The following TYW1 variants were observed in gnomAD, a reference collection of about 807,000 sequenced individuals.
The protein encoded by TYW1 is tRNA-yW synthesizing protein 1 homolog, also known as S-adenosyl-L-methionine-dependent tRNA 4-demethylwyosine synthase TYW1.
In TYW1, 46 loss-of-function variants were observed where a neutral mutation model predicts 96.2. That is an observed-to-expected ratio of 0.48 (90% confidence interval 0.38 to 0.61). The LOEUF (loss-of-function observed/expected upper bound fraction) is 0.61. Ranked by LOEUF, TYW1 falls within the 20% of genes least tolerant of loss-of-function variation. The pLI is 0.00. For missense variants in TYW1, 684 were observed against 909.6 expected (o/e 0.75, Z 3.19); for synonymous variants, 274 against 323.0 (o/e 0.85, Z 1.63).
At chr7:67,054,611 C>T (rs556115361) in intron 8 of TYW1, among the ~76,000 whole-genome samples, 106 of 152,328 alleles carry the variant, frequency 7.0e-4, no homozygotes, top group African/African-American at 2.4e-3. Flanking sequence ...ATTGACATTG[C>T]TCCAATAATC....
intron 11 of TYW1, among the ~76,000 whole-genome samples, chr7:67,084,216 T>C (rs1961734): frequency 6.6e-6 from 1 of 151,924 alleles, no homozygotes; most frequent in Non-Finnish European, 1.5e-5. Flanking sequence ...TCTTAAATAA[T>C]GTTAGTTAGT....
intron 7 of TYW1, among the ~76,000 whole-genome samples, chr7:67,037,705 T>C (rs1425303081): frequency 6.6e-6 from 1 of 152,098 alleles, no homozygotes; most frequent in African/African-American, 2.4e-5. Flanking sequence ...GCGGCGACTC[T>C]GCCTGTAATC....
At chr7:67,012,493 C>T (rs1793848198) in intron 4 of TYW1, among the ~76,000 whole-genome samples, 1 of 152,088 alleles carries the variant, frequency 6.6e-6, no homozygotes, top group African/African-American at 2.4e-5. Flanking sequence ...CATGAGTGAG[C>T]TTGAATGTGC....
intron 7 of TYW1, among the ~76,000 whole-genome samples, chr7:67,028,554 A>G (rs1453645466): frequency 1.3e-5 from 2 of 152,252 alleles, no homozygotes; most frequent in African/African-American, 4.8e-5. Flanking sequence ...TAAGAGAAAT[A>G]CAAATGAAAA....
intron 15 of TYW1, among the ~76,000 whole-genome samples, chr7:67,208,621 C>T (rs577108574): frequency 2.9e-5 from 4 of 140,202 alleles, no homozygotes; most frequent in South Asian, 5.1e-4. Flanking sequence ...ACCCGTGAGG[C>T]GGAGGTTGCA....
At chr7:67,200,191 A>G (rs1449073798) in intron 15 of TYW1, among the ~76,000 whole-genome samples, 2 of 152,154 alleles carry the variant, frequency 1.3e-5, no homozygotes, top group Non-Finnish European at 2.9e-5. Flanking sequence ...ATTATTCTCT[A>G]TAATGTTTGT....
intron 9 of TYW1, among the ~76,000 whole-genome samples, chr7:67,059,266 A>AT (rs1027534471): frequency 2.4e-4 from 35 of 147,088 alleles, no homozygotes; most frequent in East Asian, 6.0e-4. Context: ...CTCCCGGCTA[A>AT]TTTTTTTTTT....
At chr7:67,096,348 C>G (rs1186297656) in intron 11 of TYW1, among the ~76,000 whole-genome samples, 1 of 152,182 alleles carries the variant, frequency 6.6e-6, no homozygotes, top group African/African-American at 2.4e-5. Flanking sequence ...TATTTTGCCA[C>G]TGCAATCCAG....
intron 13 of TYW1, among the ~76,000 whole-genome samples, chr7:67,153,457 A>G (rs1798866041): frequency 6.6e-6 from 1 of 152,366 alleles, no homozygotes; most frequent in African/African-American, 2.4e-5. Context: ...CTCAGTCTCA[A>G]AAAACAAAAC....
chr7:67,155,615 C>A (rs184383076), intron 13 of TYW1, among the ~76,000 whole-genome samples: 22 of 151,656 alleles, frequency 1.5e-4, no homozygotes, highest in Admixed American at 9.2e-4. Context: ...TGCAGTGGCG[C>A]GATCTCAATA....
chr7:67,032,887 T>C (rs1452395349), intron 7 of TYW1, among the ~76,000 whole-genome samples: 2 of 62,390 alleles, frequency 3.2e-5, no homozygotes, highest in East Asian at 1.2e-3. Flanking sequence ...AAGTATACCT[T>C]TTTTTTTTTT....
In TYW1 at chr7:67,029,410, T is replaced by C. The variant is rs369405186; in HGVS notation, c.984+4388T>C. On this transcript the variant is annotated intron_variant, in intron 7 of 15. Transcript: ENST00000359626. ...GTGTGTGTGTGTGTGTGTGTGTGTG[T>C]GTGTGTATATATATATATATATAAA... Among the ~76,000 whole-genome samples the C allele has an allele frequency of 4.7e-4, 61 of 130,152 alleles. 1 individual carries two copies. The highest frequency in any genetic ancestry group is 9.5e-4 in the East Asian group (4 of 4,214). 85.4% of individuals were successfully genotyped at this position (130,152 alleles called of 152,430 possible). A position where few individuals can be genotyped will look rare whatever the true frequency, so the allele number is the denominator to read the frequency against.
chr7:67,135,302 G>GTTTTTTTTTTTTTTTTTTTTTTT, intron 13 of TYW1, among the ~76,000 whole-genome samples: 1 of 111,816 alleles, frequency 8.9e-6, no homozygotes, highest in Non-Finnish European at 1.7e-5. Flanking sequence ...TGTTAAAACA[G>GTTTTTTTTTTTTTTTTTTTTTTT]TTTTTTTTTT....
chr7:67,026,529 A>G (rs947521618), intron 7 of TYW1, among the ~76,000 whole-genome samples: 11 of 152,300 alleles, frequency 7.2e-5, no homozygotes, highest in African/African-American at 2.6e-4. Flanking sequence ...TTCTCTTAAT[A>G]TATAAGTTTG....
Position 66,998,850 on chromosome 7 carries a change from G to A in TYW1, c.169G>A (p.Ala57Thr). ...KNLQEKSVPK[A>T]AQDLMTNGYV... ...CTTACAGGAAAAATCTGTTCCAAAA[G>A]CAGCTCAGGATTTGATGACAAATGG... Residue 57 changes from alanine to threonine, a missense_variant, in exon 3 of 16, where the codon GCA becomes ACA. Ala to Thr is a moderately conservative substitution (Grantham distance 58, BLOSUM62 0). Coordinates refer to ENST00000359626, the MANE Select transcript of TYW1 (RefSeq NM_018264.4). 6.2e-7 allele frequency: 1 copy of A among 1,614,170 alleles called. No individual in the cohort carries two copies. The highest frequency in any genetic ancestry group is 8.5e-7 in the Non-Finnish European group (1 of 1,180,036).
intron 5 of TYW1, among the ~76,000 whole-genome samples, chr7:67,017,397 C>T (rs1562967205): frequency 6.6e-6 from 1 of 152,184 alleles, no homozygotes; most frequent in Non-Finnish European, 1.5e-5. Context: ...CTTCATATCA[C>T]AGTGAAATAA....
At chr7:67,025,678 G>A (rs1794426905) in intron 7 of TYW1, among the ~76,000 whole-genome samples, 1 of 152,158 alleles carries the variant, frequency 6.6e-6, no homozygotes, top group African/African-American at 2.4e-5. Flanking sequence ...AATCTGGGAT[G>A]TGACTGTTTC....
intron 13 of TYW1, among the ~76,000 whole-genome samples, chr7:67,154,112 T>C (rs6972777): frequency 0.26 from 39,316 of 151,638 alleles, 5,558 homozygotes; most frequent in African/African-American, 0.38. Flanking sequence ...TTAGTAGAGA[T>C]GGGGTTTCAC....
chr7:67,014,624 C>T (rs749125619), intron 5 of TYW1, 63 bp downstream of exon 5: 120 of 1,545,828 alleles, frequency 7.8e-5, no homozygotes, highest in Admixed American at 5.0e-4. Flanking sequence ...CGCACACACA[C>T]GTAAACACAC....
Sources: allele counts gnomAD v4.1 joint callset (sites outside exome capture counted in the v4.1 genomes callset), GRCh38; gene constraint gnomAD v4.1.1; transcripts MANE v1.5; gene names NCBI Gene and HGNC (gene_info 2026-07-23, HGNC 2026-07-21).